The following SH2B2 variants were observed in gnomAD, a reference collection of about 807,000 sequenced individuals.
The protein encoded by SH2B2 is SH2B adapter protein 2.
SH2B2 carries 37 observed loss-of-function variants against 35.7 expected under a neutral mutation model. That is an observed-to-expected ratio of 1.04 (90% CI 0.80 to 1.36). The LOEUF (loss-of-function observed/expected upper bound fraction) is 1.36, where lower values mean the gene tolerates loss of function less well. Ranked by LOEUF, SH2B2 falls within the 40% of genes most tolerant of loss-of-function variation. SH2B2 has a pLI of 0.00. For missense variants in SH2B2, 852 were observed against 817.7 expected (o/e 1.04, Z -0.51); for synonymous variants, 383 against 376.4 (o/e 1.02, Z -0.20).
At chr7:102,310,230 C>T (rs529009590) in intron 4 of SH2B2, among the ~76,000 whole-genome samples, 218 of 152,274 alleles carry the variant, frequency 1.4e-3, no homozygotes, top group African/African-American at 3.2e-3. Context: ...GCAGGAGAAT[C>T]GCTTGAACCC....
chr7:102,297,836 A>G lies in SH2B2; in HGVS notation c.-29-2686A>G, dbSNP rs1792983831. Among the ~76,000 whole-genome samples the G allele has an allele frequency of 6.6e-6, 1 of 152,130 alleles. No homozygotes were observed. Among genetic ancestry groups the G allele is most frequent in the South Asian group, 2.1e-4 (1 of 4,820 alleles). Reference sequence around the variant, plus strand: ...GACACACAACCAAGCAACTAAATATATGATATGACAGCCGGCAATAAGGAT... The same window carrying G: ...GACACACAACCAAGCAACTAAATATGTGATATGACAGCCGGCAATAAGGAT... On this transcript the variant is annotated intron_variant, in intron 1 of 8. Coordinates refer to ENST00000444095, the MANE Select transcript of SH2B2 (RefSeq NM_001359228.2). This position sits in a 1 kb window ranked among gnomAD's most constrained non-coding sequence, Gnocchi z 4.3.
At chr7:102,291,543 A>G (rs1792673290) in intron 1 of SH2B2, among the ~76,000 whole-genome samples, 1 of 152,140 alleles carries the variant, frequency 6.6e-6, no homozygotes. Context: ...GCCCCCACCC[A>G]TCCACTCTGC....
At chr7:102,295,470 T>A (rs975344288) in intron 1 of SH2B2, among the ~76,000 whole-genome samples, 9 of 152,112 alleles carry the variant, frequency 5.9e-5, no homozygotes, top group Non-Finnish European at 1.0e-4. Flanking sequence ...GCTCGTGACC[T>A]TCCCTGGAGG....
intron 4 of SH2B2, among the ~76,000 whole-genome samples, chr7:102,313,833 A>G (rs1351060726): frequency 6.7e-6 from 1 of 150,350 alleles, no homozygotes; most frequent in East Asian, 2.0e-4. Context: ...AATCGCTTGA[A>G]CCCAGGAGGC....
chr7:102,302,786 C>T (rs950070866), intron 2 of SH2B2, among the ~76,000 whole-genome samples: 3 of 152,198 alleles, frequency 2.0e-5, no homozygotes, highest in South Asian at 2.1e-4. Flanking sequence ...GACATGGTGG[C>T]GCGCACCTGT....
At chr7:102,285,836 C>A (rs974831), upstream of SH2B2, among the ~76,000 whole-genome samples, 25,554 of 152,092 alleles carry the variant, frequency 0.17, 2,587 homozygotes, top group East Asian at 0.29. Flanking sequence ...GGGTCCCCCC[C>A]TGCTATCTCC....
rs1690126547 is a variant in SH2B2 at position 102,300,706 on chromosome 7, C to T, written c.156C>T (p.Tyr52=). 1.3e-6 allele frequency: 2 copies of T among 1,538,602 alleles called. No individual in the cohort carries two copies. The highest frequency in any genetic ancestry group is 1.4e-5 in the African/African-American group (1 of 72,484). The change falls in exon 2 of 9, where the codon TAC becomes TAT. Residue 52 remains tyrosine (Y), a synonymous_variant. Coordinates refer to ENST00000444095, the MANE Select transcript of SH2B2 (RefSeq NM_001359228.2). The part of the protein sequence containing the change: ...FCRFLRDNPA[Y]DTPDAGASFS... ...GTTTCCTGCGGGACAACCCAGCTTA[C>T]GACACGCCCGACGCCGGCGCCTCCT...
Position 102,300,515 on chromosome 7 carries a change from C to G in SH2B2, c.-29-7C>G. 6 of 1,526,004 alleles carry G rather than the reference C, an allele frequency of 3.9e-6. No homozygotes were observed. The highest frequency in any genetic ancestry group is 5.3e-6 in the Non-Finnish European group (6 of 1,140,146). The allele number at this position is 1,526,004 out of a possible 1,614,324, so 94.5% of individuals were successfully genotyped here. A position where few individuals can be genotyped will look rare whatever the true frequency, so the allele number is the denominator to read the frequency against. On this transcript the variant is annotated splice_polypyrimidine_tract_variant and splice_region_variant and intron_variant, in intron 1 of 8. Transcript: ENST00000444095. ...TGAAAGTCACTGCGCGCTCTTCTCG[C>G]CCGAAGCCGCAGGTGGCTGCGATGG...
chr7:102,287,615 G>C (rs552249642), intron 1 of SH2B2, among the ~76,000 whole-genome samples: 46 of 152,282 alleles, frequency 3.0e-4, no homozygotes, highest in South Asian at 8.3e-4. Flanking sequence ...CAGCCGGGGA[G>C]CTCCCCGGAG....
chr7:102,290,758 G>A (rs1365338539), intron 1 of SH2B2, among the ~76,000 whole-genome samples: 2 of 152,198 alleles, frequency 1.3e-5, no homozygotes, highest in African/African-American at 4.8e-5. Context: ...GTTTTAACAG[G>A]GGCATGGCCC....
Position 102,287,038 on chromosome 7 carries a change from TC to T in SH2B2, c.-84del, listed in dbSNP as rs1411161986. ...CCGGGCCCGGGGAGCCCGGCCGCGG[TC>T]CGGGCAGCGCTCAGCCGGCGCCCCA... On this transcript the variant is annotated 5_prime_UTR_variant, in exon 1 of 9. An upstream open reading frame in the 5' UTR loses its in-frame stop. Transcript: ENST00000444095. 7 of 150,642 alleles carry T rather than the reference TC, an allele frequency of 4.6e-5. No homozygotes were observed. The highest frequency in any genetic ancestry group is 1.7e-4 in the African/African-American group (7 of 40,996). The allele number at this position is 150,642 out of a possible 1,614,324, so 9.3% of individuals were successfully genotyped here. A position where few individuals can be genotyped will look rare whatever the true frequency, so the allele number is the denominator to read the frequency against.
At chr7:102,303,188 G>T (rs1554554246) in intron 2 of SH2B2, among the ~76,000 whole-genome samples, 1 of 151,326 alleles carries the variant, frequency 6.6e-6, no homozygotes. Flanking sequence ...TTGCACTCCA[G>T]CCTGGGCAGC....
intron 1 of SH2B2, among the ~76,000 whole-genome samples, chr7:102,294,431 G>C (rs1367847165): frequency 6.6e-6 from 1 of 152,190 alleles, no homozygotes; most frequent in Non-Finnish European, 1.5e-5. Context: ...GCAGCACCAA[G>C]GTTGGAGGAG....
Position 102,321,345 on chromosome 7 carries a change from G to A in SH2B2, c.1614G>A (p.Trp538Ter). ...PPAAPASPAC[W>*]SDSPGQHYFS... is the part of the protein sequence containing the mutation. The stretch of plus-strand genomic sequence containing the variant: ...CCGCGCCCGCGTCCCCGGCCTGCTG[G>A]AGCGACTCGCCCGGCCAGCACTACT... Residue 538 changes from tryptophan to a stop codon, truncating the protein, a stop_gained, in exon 9 of 9, where the codon TGG (tryptophan) becomes TGA (stop). Coordinates refer to ENST00000444095, the MANE Select transcript of SH2B2 (RefSeq NM_001359228.2). LOFTEE classifies it low-confidence loss of function (END_TRUNC). 1.4e-6 allele frequency: 2 copies of A among 1,442,218 alleles called. No homozygotes were observed. The highest frequency in any genetic ancestry group is 1.8e-6 in the Non-Finnish European group (2 of 1,103,482). The allele number at this position is 1,442,218 out of a possible 1,614,324, so 89.3% of individuals were successfully genotyped here.
chr7:102,297,997 G>A lies in SH2B2; in HGVS notation c.-29-2525G>A, dbSNP rs1792988895. Among the ~76,000 whole-genome samples, 1 of 152,194 alleles carries A rather than the reference G, an allele frequency of 6.6e-6. No individual in the cohort carries two copies. The highest frequency in any genetic ancestry group is 6.5e-5 in the Admixed American group (1 of 15,276). ...GAGCAGAAACCTGAAGAAGGTGAGG[G>A]AATGTGGAGGAAAGAGCATTCCAGG... On this transcript the variant is annotated intron_variant, in intron 1 of 8. Transcript: ENST00000444095. The surrounding 1 kb of genome is among the most constrained non-coding windows in gnomAD (Gnocchi z 4.3).
At chr7:102,313,218 G>A (rs1048531950) in intron 4 of SH2B2, among the ~76,000 whole-genome samples, 10,108 of 150,600 alleles carry the variant, frequency 0.067, 493 homozygotes, top group East Asian at 0.26. Flanking sequence ...AGGCCAAGGC[G>A]GGCAGATCAC....
intron 2 of SH2B2, among the ~76,000 whole-genome samples, chr7:102,301,963 T>C (rs1793212845): frequency 6.6e-6 from 1 of 152,124 alleles, no homozygotes; most frequent in Non-Finnish European, 1.5e-5. Context: ...CCTCCCAGGC[T>C]CAAGCAGTCC....
rs1053446448 is a variant in SH2B2 at position 102,314,234 on chromosome 7, C to G, written c.924-102C>G. 7.2e-4 allele frequency: 288 copies of G among 398,004 alleles called. 2 individuals carry two copies. Among genetic ancestry groups the G allele is most frequent in the African/African-American group, 5.4e-3 (265 of 48,744 alleles). The allele number at this position is 398,004 out of a possible 1,614,324, so 24.7% of individuals were successfully genotyped here. ...TGACCAGAGCCAGGAGGCCTAGATGCTGGGCCATGGGACTGCCAGCCACTG... is the reference window on the plus strand; with the variant it reads ...TGACCAGAGCCAGGAGGCCTAGATGGTGGGCCATGGGACTGCCAGCCACTG... On this transcript the variant is annotated intron_variant, in intron 4 of 8. Transcript: ENST00000444095.
At chr7:102,285,298 G>A (rs925408491), upstream of SH2B2, 3 of 1,421,608 alleles carry the variant, frequency 2.1e-6, no homozygotes, top group Admixed American at 2.0e-5. Context: ...TCTCCCAGGA[G>A]GGTGGAGACC....
Sources: allele counts gnomAD v4.1 joint callset (sites outside exome capture counted in the v4.1 genomes callset), GRCh38; gene constraint gnomAD v4.1.1; non-coding constraint Gnocchi (gnomAD v3.1); transcripts MANE v1.5; gene names NCBI Gene and HGNC (gene_info 2026-07-23, HGNC 2026-07-21).